The following INVS variants were observed in gnomAD, a reference collection of about 807,000 sequenced individuals.
The protein encoded by INVS is inversin, also known as inversion of embryo turning homolog.
INVS carries 86 observed loss-of-function variants against 108.8 expected under a neutral mutation model. The ratio of observed to expected loss-of-function variants is 0.79; its 90% confidence interval spans 0.66 to 0.95. INVS has a LOEUF of 0.95. INVS is among the 40% of genes least tolerant of loss of function. The pLI is 0.00. For synonymous variants in INVS, 455 were observed against 473.5 expected (o/e 0.96, Z 0.51); for missense variants, 1,169 against 1,297.4 (o/e 0.90, Z 1.52).
intron 12 of INVS, among the ~76,000 whole-genome samples, chr9:100,274,873 C>G (rs1285696637): frequency 6.6e-6 from 1 of 152,148 alleles, no homozygotes; most frequent in Non-Finnish European, 1.5e-5. Context: ...GTCCTTCTAA[C>G]TCTTAAATCC....
rs1833688755 is a variant in INVS at position 100,293,441 on chromosome 9, T to C, written c.2786+398T>C. ...CACATGTCCTGTTAATATGACAGGT[T>C]GCTGGAATGAGATAATGCACGCTTC... On this transcript the variant is annotated intron_variant, in intron 14 of 16. Transcript: ENST00000262457. Among the ~76,000 whole-genome samples, 9 of 152,216 alleles carry C rather than the reference T, an allele frequency of 5.9e-5. No individual in the cohort carries two copies. The South Asian group carries it at 1.9e-3, about 32-fold the overall frequency.
At chr9:100,113,497 C>G (rs186688652) in intron 2 of INVS, among the ~76,000 whole-genome samples, 78 of 152,282 alleles carry the variant, frequency 5.1e-4, no homozygotes, top group African/African-American at 1.9e-3. Flanking sequence ...CGAAGTATTG[C>G]AAACTAAAAC....
At position 100,242,663 on chromosome 9, in the gene INVS, C is replaced by T. The variant is rs759327541; in HGVS notation, c.890C>T (p.Ala297Val). The change falls in exon 7 of 17, where the codon GCT (alanine) becomes GTT (valine). Residue 297 changes from alanine to valine, a missense_variant. By Grantham distance (64) the Ala-to-Val change is moderately conservative (BLOSUM62 0). Around this residue, in one of 3 missense-constraint regions of INVS, gnomAD observed 365 missense variants for 397.5 expected, o/e 0.92. Coordinates refer to ENST00000262457, the MANE Select transcript of INVS (RefSeq NM_014425.5). ...GGAGCCACACCTTTGCACTATGCTG[C>T]TCAGAGTAACTTTGCTGTAAGTAAA... ...SQGATPLHYAAQSNFAETVKV... is the reference protein window; with the variant it reads ...SQGATPLHYAVQSNFAETVKV... 6.3e-6 allele frequency: 10 copies of T among 1,593,172 alleles called. No homozygotes were observed. The highest frequency in any genetic ancestry group is 8.6e-6 in the Non-Finnish European group (10 of 1,161,130).
At chr9:100,135,906 A>G (rs1218842449) in intron 3 of INVS, among the ~76,000 whole-genome samples, 2 of 152,032 alleles carry the variant, frequency 1.3e-5, no homozygotes, top group East Asian at 3.9e-4. Context: ...ATTTACAGAA[A>G]ATAAACTTAC....
intron 2 of INVS, 25 bp from the exon 3 acceptor site, chr9:100,126,358 C>G (rs774971696): frequency 6.4e-7 from 1 of 1,567,224 alleles, no homozygotes; most frequent in Non-Finnish European, 8.8e-7. Flanking sequence ...TATCAAATAT[C>G]ACTATCTGTT....
intron 10 of INVS, among the ~76,000 whole-genome samples, chr9:100,254,964 G>A (rs1832368543): frequency 6.6e-6 from 1 of 152,156 alleles, no homozygotes; most frequent in Non-Finnish European, 1.5e-5. Context: ...AAAGTCATTG[G>A]TAGCTTGATG....
intron 3 of INVS, among the ~76,000 whole-genome samples, chr9:100,162,568 A>G (rs1471532814): frequency 6.6e-6 from 1 of 152,194 alleles, no homozygotes; most frequent in Admixed American, 6.5e-5. Flanking sequence ...TCTTTTCAAC[A>G]TGGAAAATCT....
intron 16 of INVS, among the ~76,000 whole-genome samples, chr9:100,298,845 C>G (rs1054373202): frequency 6.6e-6 from 1 of 151,962 alleles, no homozygotes; most frequent in African/African-American, 2.4e-5. Flanking sequence ...TAGAAACTTT[C>G]AAAGCAATCA....
chr9:100,148,103 G>A (rs1828683816), intron 3 of INVS, among the ~76,000 whole-genome samples: 1 of 151,836 alleles, frequency 6.6e-6, no homozygotes, highest in Admixed American at 6.6e-5. Flanking sequence ...AAGTCCAGGA[G>A]TTTGAGGCTG....
At chr9:100,191,183 T>C (rs1249102969) in intron 3 of INVS, among the ~76,000 whole-genome samples, 1 of 152,160 alleles carries the variant, frequency 6.6e-6, no homozygotes, top group Admixed American at 6.5e-5. Context: ...GTAATGAATC[T>C]CCCAGGAGTT....
In INVS at chr9:100,108,100, C is replaced by T. The variant is rs1236059238; in HGVS notation, c.106+3473C>T. Among the ~76,000 whole-genome samples the T allele has an allele frequency of 3.3e-5, 5 of 152,114 alleles. No homozygotes were observed. In the East Asian group the frequency reaches 9.6e-4, roughly 29 times the overall value. ...ACCAAGTAAAATGAATTCATTAATGCTTTAATTAAAAATATAACCTTCAAA... is the reference window on the plus strand; with the variant it reads ...ACCAAGTAAAATGAATTCATTAATGTTTTAATTAAAAATATAACCTTCAAA... On this transcript the variant is annotated intron_variant, in intron 2 of 16. Transcript: ENST00000262457.
intron 13 of INVS, among the ~76,000 whole-genome samples, chr9:100,288,070 A>G (rs1419265119): frequency 6.6e-6 from 1 of 152,234 alleles, no homozygotes; most frequent in Non-Finnish European, 1.5e-5. Flanking sequence ...GGAGGCGTAT[A>G]GCAGCCATTA....
At chr9:100,238,832 A>G (rs148858178) in intron 5 of INVS, among the ~76,000 whole-genome samples, 99 of 152,348 alleles carry the variant, frequency 6.5e-4, no homozygotes, top group African/African-American at 2.2e-3. Context: ...AATGCTTGCT[A>G]TAAAGATCCA....
rs183721429 is a variant in INVS, at chr9:100,126,314, G to A, written c.107-69G>A. The A allele has an allele frequency of 9.1e-5, 112 of 1,233,506 alleles. No individual in the cohort carries two copies. In the African/African-American group the frequency reaches 9.9e-4, roughly 11 times the overall value. The allele number at this position is 1,233,506 out of a possible 1,614,324, so 76.4% of individuals were successfully genotyped here. On this transcript the variant is annotated intron_variant, in intron 2 of 16. Coordinates refer to ENST00000262457, the MANE Select transcript of INVS (RefSeq NM_014425.5). The stretch of plus-strand genomic sequence containing the variant: ...AGCACAATGTTTGATAATAAACAGC[G>A]AATATAGTTCCTACTTATATTAGTA...
At chr9:100,272,832 TAA>T (rs539700665) in intron 11 of INVS, 30 bp from the exon 12 acceptor site, 1 of 1,442,590 alleles carries the variant, frequency 6.9e-7, no homozygotes, top group Non-Finnish European at 9.6e-7. Context: ...ATTCTAAAAT[TAA>T]AAAAAAAAGA....
chr9:100,257,340 T>G (rs2118588176), intron 10 of INVS, among the ~76,000 whole-genome samples: 1 of 152,328 alleles, frequency 6.6e-6, no homozygotes, highest in Middle Eastern at 3.4e-3. Context: ...TACAGCACAC[T>G]GATGGGTCTT....
chr9:100,239,490 A>C lies in INVS; in HGVS notation c.616-570A>C, dbSNP rs547097492. 9.8e-5 allele frequency among the ~76,000 whole-genome samples: 15 copies of C among 152,350 alleles called. No homozygotes were observed. In the East Asian group the frequency reaches 2.5e-3, roughly 25 times the overall value. Reference sequence around the variant, plus strand: ...GTTGAATGATAACAGAAACAAAAGCATATCAGGCAAAATGTTGACACCTTT... The same window carrying C: ...GTTGAATGATAACAGAAACAAAAGCCTATCAGGCAAAATGTTGACACCTTT... On this transcript the variant is annotated intron_variant, in intron 5 of 16. Transcript: ENST00000262457.
rs1185982706 is a variant in INVS at position 100,252,276 on chromosome 9, C to T, written c.1079-7C>T. On this transcript the variant is annotated splice_region_variant and splice_polypyrimidine_tract_variant and intron_variant, in intron 8 of 16. Transcript: ENST00000262457. ...TAGTTCATCACTTTCTGTTGGTTCC[C>T]TTTTAGCTTTGCATGCTGCTGCTCT... 3 of 1,613,918 alleles carry T rather than the reference C, an allele frequency of 1.9e-6. No homozygotes were observed. The Admixed American group carries it at 5.0e-5, about 27-fold the overall frequency.
intron 7 of INVS, among the ~76,000 whole-genome samples, chr9:100,246,284 C>G (rs370298790): frequency 2.6e-5 from 4 of 152,276 alleles, no homozygotes; most frequent in African/African-American, 7.2e-5. Flanking sequence ...CTGAATACTT[C>G]TGAGTTTTCT....
Sources: gnomAD v4.1 joint callset for allele counts (sites outside exome capture counted in the v4.1 genomes callset) on GRCh38, gnomAD v4.1.1 for gene constraint, gnomAD v4.1.1 regional missense constraint, MANE v1.5 for transcripts, NCBI Gene and HGNC (gene_info 2026-07-23, HGNC 2026-07-21) for gene names.